Variants in CCDC7 observed in about 807,000 individuals in gnomAD.
CCDC7 encodes the protein coiled-coil domain-containing protein 7.
CCDC7 carries 183 observed loss-of-function variants against 196.9 expected under a neutral mutation model. The ratio of observed to expected loss-of-function variants is 0.93; its 90% CI spans 0.82 to 1.05. The LOEUF is 1.05. CCDC7 is among the 50% of genes least tolerant of loss of function. The pLI is 0.00. For synonymous variants in CCDC7, 525 were observed against 484.6 expected (o/e 1.08, Z -1.10); for missense variants, 1,540 against 1,482.2 (o/e 1.04, Z -0.64).
intron 32 of CCDC7, among the ~76,000 whole-genome samples, chr10:32,828,235 T>C (rs1229868711): frequency 1.3e-5 from 2 of 151,992 alleles, no homozygotes; most frequent in African/African-American, 4.8e-5. Context: ...ATGTATTGAT[T>C]TATGTCTTTG....
At chr10:32,455,219 C>G (rs1278959710) in intron 2 of CCDC7, among the ~76,000 whole-genome samples, 1 of 150,516 alleles carries the variant, frequency 6.6e-6, no homozygotes, top group East Asian at 2.0e-4. Flanking sequence ...AGTTTTTTTT[C>G]CCCGTCTCCT....
At chr10:32,615,984 G>A (rs904153707) in intron 18 of CCDC7, among the ~76,000 whole-genome samples, 2 of 151,324 alleles carry the variant, frequency 1.3e-5, no homozygotes, top group Non-Finnish European at 3.0e-5. Flanking sequence ...TTGATTGCAG[G>A]TATATTGTTC....
At position 32,867,950 on chromosome 10, in the gene CCDC7, A is replaced by G. The variant is rs541725650; in HGVS notation, c.4112-8397A>G. 5.9e-4 allele frequency among the ~76,000 whole-genome samples: 89 copies of G among 152,032 alleles called. 2 individuals are homozygous for G. Among genetic ancestry groups the G allele is most frequent in the Admixed American group, 5.8e-3 (89 of 15,236 alleles). The stretch of plus-strand genomic sequence containing the variant: ...CTCCTACCCCCAGTTCCTGGCAACC[A>G]TCATTCTACTTTTTGTCTCTATAAA... On this transcript the variant is annotated intron_variant, in intron 41 of 41. Transcript: ENST00000639629.
At chr10:32,731,243 A>G (rs530563549) in intron 28 of CCDC7, among the ~76,000 whole-genome samples, 1 of 152,312 alleles carries the variant, frequency 6.6e-6, no homozygotes, top group Non-Finnish European at 1.5e-5. Flanking sequence ...TGACATTGAC[A>G]TAATTACTAC....
In CCDC7 at chr10:32,633,455, C is replaced by A. The variant is rs368486984; in HGVS notation, c.1802-799C>A. Among the ~76,000 whole-genome samples, 4 of 152,196 alleles carry A rather than the reference C, an allele frequency of 2.6e-5. No homozygotes were observed. The East Asian group carries it at 7.7e-4, about 29-fold the overall frequency. Reference sequence around the variant, plus strand: ...TACTCATTTGCTTTATCCCCTAATGCTCCTCAATTTGTTTTAGAATTGCTT... The same window carrying A: ...TACTCATTTGCTTTATCCCCTAATGATCCTCAATTTGTTTTAGAATTGCTT... On this transcript the variant is annotated intron_variant, in intron 18 of 41. Transcript: ENST00000639629.
chr10:32,697,490 T>C (rs2077910926), intron 24 of CCDC7, among the ~76,000 whole-genome samples: 1 of 152,118 alleles, frequency 6.6e-6, no homozygotes. Flanking sequence ...GCTTTTCCAA[T>C]GGTCTTAGCA....
At chr10:32,634,549 A>G (rs113637293) in intron 19 of CCDC7, among the ~76,000 whole-genome samples, 185 bp downstream of exon 20, 24 of 151,994 alleles carry the variant, frequency 1.6e-4, no homozygotes, top group African/African-American at 5.8e-4. Context: ...GGTGCACGTC[A>G]CCATGCCTGG....
intron 28 of CCDC7, among the ~76,000 whole-genome samples, chr10:32,746,675 C>T (rs986772908): frequency 6.6e-6 from 1 of 152,192 alleles, no homozygotes; most frequent in South Asian, 2.1e-4. Flanking sequence ...TGTGGTGCTT[C>T]CTGGTGGCCA....
rs550730796 is a variant in CCDC7 at position 32,598,238 on chromosome 10, G to T, written c.1801+13934G>T. 1.3e-4 allele frequency among the ~76,000 whole-genome samples: 20 copies of T among 152,278 alleles called. No homozygotes were observed. In the East Asian group the frequency reaches 3.7e-3, roughly 28 times the overall value. On this transcript the variant is annotated intron_variant, in intron 18 of 41. Transcript: ENST00000639629. ...CCACCCCCAGCCTCACTGTCGCCTT[G>T]CAGTTTGATCTCAGACTGCTGTGCT...
chr10:32,666,631 G>C (rs1239625444), intron 21 of CCDC7, among the ~76,000 whole-genome samples: 1 of 150,694 alleles, frequency 6.6e-6, no homozygotes, highest in Non-Finnish European at 1.5e-5. Flanking sequence ...GTAGTGTTTG[G>C]TTTTTTGTCC....
At chr10:32,803,658 T>C (rs977261983) in intron 29 of CCDC7, among the ~76,000 whole-genome samples, 2 of 152,168 alleles carry the variant, frequency 1.3e-5, no homozygotes, top group African/African-American at 4.8e-5. Flanking sequence ...AGGCATCATA[T>C]AGTTGCTTCT....
intron 21 of CCDC7, among the ~76,000 whole-genome samples, chr10:32,684,115 T>C (rs2076191323): frequency 6.6e-6 from 1 of 152,096 alleles, no homozygotes; most frequent in South Asian, 2.1e-4. Context: ...GGTGGGTTGC[T>C]GTGCTGGGGA....
At chr10:32,649,394 G>T (rs969917289) in intron 20 of CCDC7, among the ~76,000 whole-genome samples, 1 of 152,182 alleles carries the variant, frequency 6.6e-6, no homozygotes, top group South Asian at 2.1e-4. Flanking sequence ...TCTGCTGCTA[G>T]GCTGATGGAA....
chr10:32,669,275 T>C (rs2073541929), intron 21 of CCDC7, among the ~76,000 whole-genome samples: 1 of 152,150 alleles, frequency 6.6e-6, no homozygotes, highest in African/African-American at 2.4e-5. Context: ...CTTCTTTGAA[T>C]GTGCTGTCGA....
At chr10:32,740,333 A>C (rs1241205678) in intron 28 of CCDC7, among the ~76,000 whole-genome samples, 3 of 152,168 alleles carry the variant, frequency 2.0e-5, no homozygotes, top group Non-Finnish European at 4.4e-5. Flanking sequence ...AATTAATGAT[A>C]TATTTGGATT....
rs930114045 is a variant in CCDC7, at chr10:32,452,036, A to G, written c.279+115A>G. 100 of 1,368,736 alleles carry G rather than the reference A, an allele frequency of 7.3e-5. No homozygotes were observed. The African/African-American group carries it at 1.2e-3, about 17-fold the overall frequency. The allele number at this position is 1,368,736 out of a possible 1,614,324, so 84.8% of individuals were successfully genotyped here. On this transcript the variant is annotated intron_variant, in intron 1 of 41. Transcript: ENST00000639629. ...ATAGTCATACCGATGGCTAAGATTT[A>G]TTACAGTAGGCACATGAGGTGAAAT...
At chr10:32,646,953 T>A (rs958232537) in intron 20 of CCDC7, among the ~76,000 whole-genome samples, 3 of 152,238 alleles carry the variant, frequency 2.0e-5, no homozygotes, top group African/African-American at 7.2e-5. Flanking sequence ...ATGGTATATA[T>A]GTCCCATATT....
chr10:32,801,660 C>A (rs2084819327), intron 29 of CCDC7, among the ~76,000 whole-genome samples: 1 of 152,136 alleles, frequency 6.6e-6, no homozygotes, highest in South Asian at 2.1e-4. Flanking sequence ...GGACTTCAGC[C>A]TAATTATAGG....
chr10:32,574,128 G>A (rs2057907117), intron 16 of CCDC7, among the ~76,000 whole-genome samples: 1 of 151,994 alleles, frequency 6.6e-6, no homozygotes, highest in African/African-American at 2.4e-5. Context: ...ACAGAACTTT[G>A]CTTTGAGGCA....
Sources: gnomAD v4.1 joint callset for allele counts (sites outside exome capture counted in the v4.1 genomes callset) on GRCh38, gnomAD v4.1.1 for gene constraint, MANE v1.5 for transcripts, NCBI Gene and HGNC (gene_info 2026-07-23, HGNC 2026-07-21) for gene names.